CEP85L: variants seen among roughly 807,000 people sequenced by gnomAD.
CEP85L encodes centrosomal protein 85L, also known as centrosomal protein of 85 kDa-like.
A neutral mutation model predicts 100.3 loss-of-function variants in CEP85L; 60 were observed. The observed-to-expected ratio is 0.60, with a 90% confidence interval of 0.49 to 0.74. CEP85L has a LOEUF of 0.74. CEP85L is among the 30% of genes least tolerant of loss of function. The pLI is 0.00. For missense variants in CEP85L, 973 were observed against 936.2 expected (o/e 1.04, Z -0.51); for synonymous variants, 319 against 322.7 (o/e 0.99, Z 0.12).
chr6:118,706,434 C>A (rs1777595488), intron 1 of CEP85L, among the ~76,000 whole-genome samples: 1 of 152,180 alleles, frequency 6.6e-6, no homozygotes, highest in African/African-American at 2.4e-5. Context: ...GAATGCCTAG[C>A]CAGAACTGGA....
chr6:118,643,061 T>C (rs1774978069), intron 1 of CEP85L, among the ~76,000 whole-genome samples: 1 of 151,946 alleles, frequency 6.6e-6, no homozygotes, highest in South Asian at 2.1e-4. Context: ...CAACTTGGTA[T>C]TTCAGACGGG....
intron 1 of CEP85L, among the ~76,000 whole-genome samples, chr6:118,672,825 AGAG>A (rs1220804011): frequency 9.9e-5 from 15 of 151,028 alleles, no homozygotes; most frequent in Non-Finnish European, 3.0e-5. Flanking sequence ...AGGAGGAGGA[AGAG>A]GAGGAGGAGG....
chr6:118,652,288 T>C (rs561710377), upstream of CEP85L: 6 of 589,334 alleles, frequency 1.0e-5, no homozygotes, highest in Non-Finnish European at 1.3e-5. Flanking sequence ...CCCCTACTCC[T>C]TCACGTTCTT....
chr6:118,492,886 A>G (rs1252432723), intron 5 of CEP85L, among the ~76,000 whole-genome samples: 3 of 152,148 alleles, frequency 2.0e-5, no homozygotes, highest in Non-Finnish European at 4.4e-5. Context: ...TGAAGAACTG[A>G]TACTTTCCCA....
chr6:118,670,164 G>C (rs985951540), intron 1 of CEP85L, among the ~76,000 whole-genome samples: 1 of 151,674 alleles, frequency 6.6e-6, no homozygotes, highest in Non-Finnish European at 1.5e-5. Flanking sequence ...TTCATATGGG[G>C]CTTGCCCGTG....
chr6:118,559,111 T>C, intron 3 of CEP85L: 2 of 1,561,734 alleles, frequency 1.3e-6, no homozygotes, highest in Non-Finnish European at 8.8e-7. Context: ...ATCTGCAGCT[T>C]GCCACATCAG....
At chr6:118,476,282 C>T (rs540329897) in intron 10 of CEP85L, among the ~76,000 whole-genome samples, 34 of 150,108 alleles carry the variant, frequency 2.3e-4, no homozygotes, top group African/African-American at 5.6e-4. Context: ...ACAGTGTGTG[C>T]GTTTTTTTTT....
intron 2 of CEP85L, among the ~76,000 whole-genome samples, chr6:118,604,794 A>G (rs931065912): frequency 1.3e-5 from 2 of 152,244 alleles, no homozygotes; most frequent in Non-Finnish European, 2.9e-5. Flanking sequence ...ACCTTAAAGC[A>G]TTTAGCAAAT....
chr6:118,626,215 A>C (rs1215990745), intron 2 of CEP85L, among the ~76,000 whole-genome samples: 2 of 152,174 alleles, frequency 1.3e-5, no homozygotes, highest in Non-Finnish European at 2.9e-5. Context: ...AATAATACTG[A>C]GGATATATGC....
At chr6:118,699,289 A>G (rs1777318612) in intron 1 of CEP85L, among the ~76,000 whole-genome samples, 1 of 151,742 alleles carries the variant, frequency 6.6e-6, no homozygotes, top group Non-Finnish European at 1.5e-5. Flanking sequence ...CCCCATCTCT[A>G]TAAAAAAATT....
chr6:118,589,958 T>C (rs1017238435), intron 2 of CEP85L, among the ~76,000 whole-genome samples: 1 of 152,230 alleles, frequency 6.6e-6, no homozygotes, highest in Admixed American at 6.5e-5. Context: ...AGGTATTCTC[T>C]GCATAGAACA....
chr6:118,669,881 T>G (rs1301724337), intron 1 of CEP85L, among the ~76,000 whole-genome samples: 1 of 150,900 alleles, frequency 6.6e-6, no homozygotes, highest in Non-Finnish European at 1.5e-5. Flanking sequence ...GACTGTGTGA[T>G]CTTAGGCAAG....
intron 5 of CEP85L, among the ~76,000 whole-genome samples, chr6:118,507,652 T>C (rs1408437549): frequency 1.3e-5 from 2 of 152,168 alleles, no homozygotes; most frequent in African/African-American, 4.8e-5. Context: ...ACAGAATAAT[T>C]TGTAGTTTTC....
At chr6:118,538,886 A>G (rs1383277783) in intron 3 of CEP85L, among the ~76,000 whole-genome samples, 5 of 151,862 alleles carry the variant, frequency 3.3e-5, no homozygotes, top group African/African-American at 4.9e-5. Context: ...AATCCCTTGT[A>G]ATTAACAAAC....
chr6:118,560,128 T>C (rs1364662298), intron 3 of CEP85L: 3 of 167,036 alleles, frequency 1.8e-5, no homozygotes, highest in African/African-American at 7.2e-5. Context: ...AACTAATTAT[T>C]AGATTATATT....
At chr6:118,627,898 T>C (rs575742294) in intron 2 of CEP85L, among the ~76,000 whole-genome samples, 1 of 152,110 alleles carries the variant, frequency 6.6e-6, no homozygotes, top group African/African-American at 2.4e-5. Flanking sequence ...ATTCTAGTCT[T>C]CCGGGTGGTT....
At chr6:118,551,068 ATC>A (rs1778514939) in intron 3 of CEP85L, among the ~76,000 whole-genome samples, 2 of 151,906 alleles carry the variant, frequency 1.3e-5, no homozygotes, top group African/African-American at 4.8e-5. Context: ...CCTTCAATTC[ATC>A]TGATACCTAA....
intron 5 of CEP85L, among the ~76,000 whole-genome samples, chr6:118,495,331 G>C (rs944135654): frequency 1.3e-5 from 2 of 152,160 alleles, no homozygotes; most frequent in African/African-American, 2.4e-5. Context: ...ATCTCAACTT[G>C]AATTGTAGTT....
chr6:118,662,115 C>T (rs776151093), intron 1 of CEP85L, among the ~76,000 whole-genome samples: 29 of 151,972 alleles, frequency 1.9e-4, no homozygotes, highest in African/African-American at 3.1e-4. Flanking sequence ...AGAAAAGGGG[C>T]GAATAATTCA....
Sources: gnomAD v4.1 joint callset for allele counts (sites outside exome capture counted in the v4.1 genomes callset) on GRCh38, gnomAD v4.1.1 for gene constraint, MANE v1.5 for transcripts, NCBI Gene and HGNC (gene_info 2026-07-23, HGNC 2026-07-21) for gene names.